ITGA9: variants seen among roughly 807,000 people sequenced by gnomAD.
ITGA9 encodes integrin alpha-9.
A neutral mutation model predicts 127.8 loss-of-function variants in ITGA9; 56 were observed. The ratio of observed to expected loss-of-function variants is 0.44; its 90% CI spans 0.35 to 0.55. The LOEUF (loss-of-function observed/expected upper bound fraction) is 0.55. Ranked by LOEUF, ITGA9 falls within the 20% of genes least tolerant of loss-of-function variation. The pLI, the probability that ITGA9 is intolerant of heterozygous loss-of-function variation, is 0.00. For missense variants in ITGA9, 1,196 were observed against 1,347.1 expected (o/e 0.89, Z 1.76); for synonymous variants, 508 against 514.5 (o/e 0.99, Z 0.17).
At chr3:37,623,698 T>C (rs1033838999) in intron 15 of ITGA9, among the ~76,000 whole-genome samples, 7 of 142,180 alleles carry the variant, frequency 4.9e-5, no homozygotes, top group Non-Finnish European at 1.1e-4. Flanking sequence ...TGTCTGTGTG[T>C]GTGTGTGTGT....
At chr3:37,730,999 A>G (rs1344654900) in intron 18 of ITGA9, among the ~76,000 whole-genome samples, 1 of 152,222 alleles carries the variant, frequency 6.6e-6, no homozygotes, top group Admixed American at 6.5e-5. Context: ...GGACAGACAT[A>G]TTTTAAGAAG....
At chr3:37,496,745 C>T (rs1210066749) in intron 5 of ITGA9, among the ~76,000 whole-genome samples, 1 of 152,346 alleles carries the variant, frequency 6.6e-6, no homozygotes, top group Non-Finnish European at 1.5e-5. Flanking sequence ...AGGCTCATCT[C>T]CTACCTCACC....
chr3:37,573,889 C>A (rs2125606279), intron 15 of ITGA9, among the ~76,000 whole-genome samples: 1 of 152,284 alleles, frequency 6.6e-6, no homozygotes, highest in Admixed American at 6.5e-5. Context: ...TTCCATCTAT[C>A]TCTGAACTAG....
intron 15 of ITGA9, among the ~76,000 whole-genome samples, chr3:37,587,447 G>C (rs981354070): frequency 6.6e-6 from 1 of 152,096 alleles, no homozygotes; most frequent in Admixed American, 6.5e-5. Flanking sequence ...CGACAATGTT[G>C]AATCAATTGT....
intron 15 of ITGA9, among the ~76,000 whole-genome samples, chr3:37,582,523 A>G (rs6810237): frequency 1.1e-3 from 171 of 152,282 alleles, no homozygotes; most frequent in African/African-American, 3.9e-3. Context: ...AAAAGGAAGG[A>G]GAGTTTGTTT....
intron 8 of ITGA9, among the ~76,000 whole-genome samples, chr3:37,512,124 CTTTTCTTTTCTTTTCT>C (rs1295096570): frequency 1.6e-3 from 24 of 15,328 alleles, no homozygotes; most frequent in South Asian, 4.9e-3. Context: ...TTCCTTCTTT[CTTTTCTTTTCTTTTCT>C]TTTCTTTTCT....
chr3:37,674,040 G>A (rs1304434449), intron 17 of ITGA9, among the ~76,000 whole-genome samples: 2 of 152,218 alleles, frequency 1.3e-5, no homozygotes, highest in African/African-American at 4.8e-5. Context: ...ATTTCATGAA[G>A]GCATTTACCC....
At chr3:37,721,970 C>T (rs997024614) in intron 18 of ITGA9, among the ~76,000 whole-genome samples, 2 of 152,342 alleles carry the variant, frequency 1.3e-5, no homozygotes, top group Middle Eastern at 3.4e-3. Flanking sequence ...CTCCCCTGCT[C>T]AGAACCCTCC....
intron 15 of ITGA9, among the ~76,000 whole-genome samples, chr3:37,586,914 C>T (rs1699764970): frequency 1.3e-5 from 2 of 152,196 alleles, no homozygotes; most frequent in South Asian, 4.1e-4. Flanking sequence ...CACACCCTTT[C>T]TTCTGTCTTT....
chr3:37,789,485 C>T (rs1052781533), intron 26 of ITGA9, among the ~76,000 whole-genome samples: 2 of 151,892 alleles, frequency 1.3e-5, no homozygotes, highest in Non-Finnish European at 2.9e-5. Context: ...CTCAGCCAGG[C>T]GCGGTGGCTC....
chr3:37,734,927 G>C (rs1696340478), intron 19 of ITGA9, among the ~76,000 whole-genome samples: 1 of 152,198 alleles, frequency 6.6e-6, no homozygotes, highest in African/African-American at 2.4e-5. Flanking sequence ...TGGGGATTGG[G>C]GGGCATGGGA....
rs540253395 is a variant in ITGA9, at chr3:37,740,891, C to G, written c.2235-839C>G. On this transcript the variant is annotated intron_variant, in intron 20 of 27. Transcript: ENST00000264741. Reference sequence around the variant, plus strand: ...TTCAAAAATATCGATGCCTGATCTACCCCCATAGACTTGCTATAGCCAGGG... The same window carrying G: ...TTCAAAAATATCGATGCCTGATCTAGCCCCATAGACTTGCTATAGCCAGGG... Among the ~76,000 whole-genome samples, 11 of 152,252 alleles carry G rather than the reference C, an allele frequency of 7.2e-5. 1 individual carries two copies. In the South Asian group the frequency reaches 2.3e-3, roughly 32 times the overall value.
At chr3:37,754,804 A>G (rs1696630521) in intron 23 of ITGA9, among the ~76,000 whole-genome samples, 2 of 152,146 alleles carry the variant, frequency 1.3e-5, no homozygotes, top group South Asian at 4.2e-4. Flanking sequence ...CCTACCCATG[A>G]TGTACGATGG....
intron 18 of ITGA9, among the ~76,000 whole-genome samples, chr3:37,723,151 A>T (rs1701209034): frequency 6.6e-6 from 1 of 152,118 alleles, no homozygotes; most frequent in Non-Finnish European, 1.5e-5. Context: ...TACCCATTTG[A>T]TAGTTAGGTT....
chr3:37,749,264 T>C (rs1191953987), intron 22 of ITGA9: 2 of 163,764 alleles, frequency 1.2e-5, no homozygotes, highest in Non-Finnish European at 1.3e-5. Context: ...TAGGATGTTC[T>C]CTTTCTGATC....
chr3:37,501,697 G>T (rs1397595778), intron 5 of ITGA9, among the ~76,000 whole-genome samples: 3 of 152,008 alleles, frequency 2.0e-5, no homozygotes, highest in African/African-American at 7.3e-5. Context: ...ATCAACATTT[G>T]GTCTAGGATT....
At chr3:37,702,873 C>T (rs988200231) in intron 18 of ITGA9, among the ~76,000 whole-genome samples, 2 of 152,022 alleles carry the variant, frequency 1.3e-5, no homozygotes, top group African/African-American at 4.8e-5. Flanking sequence ...GTGAGAATTC[C>T]GTTGACACTC....
intron 9 of ITGA9, among the ~76,000 whole-genome samples, chr3:37,516,664 A>G (rs1353417094): frequency 2.6e-5 from 4 of 152,176 alleles, no homozygotes; most frequent in Non-Finnish European, 4.4e-5. Flanking sequence ...ATAGTGAAAA[A>G]GAAGACTTGG....
intron 17 of ITGA9, among the ~76,000 whole-genome samples, chr3:37,668,473 A>G (rs537703960): frequency 6.6e-6 from 1 of 152,296 alleles, no homozygotes; most frequent in East Asian, 1.9e-4. Context: ...ATCTATGAAG[A>G]GAATGTAGCC....
Sources: allele counts gnomAD v4.1 joint callset (sites outside exome capture counted in the v4.1 genomes callset), GRCh38; gene constraint gnomAD v4.1.1; transcripts MANE v1.5; gene names NCBI Gene and HGNC (gene_info 2026-07-23, HGNC 2026-07-21).